Variants in KLHDC4 observed in about 807,000 individuals in gnomAD.
The protein encoded by KLHDC4 is kelch domain containing 4, also known as kelch domain-containing protein 4.
A neutral mutation model predicts 62.4 loss-of-function variants in KLHDC4; 90 were observed. The observed-to-expected ratio is 1.44, with a 90% CI of 1.22 to 1.72. KLHDC4 has a LOEUF of 1.72. Among genes scored for constraint, KLHDC4 ranks in the 40% most tolerant of loss-of-function variants. The probability of loss-of-function intolerance (pLI) is 0.00; values close to 1 mark genes in which losing one functional copy is unlikely to be tolerated. For missense variants in KLHDC4, 1,025 were observed against 699.7 expected, an observed-to-expected ratio of 1.47 and a Z score of -5.25; for synonymous variants, 386 against 284.4, an observed-to-expected ratio of 1.36 and a Z score of -3.59.
chr16:87,746,530 G>A (rs1389633857), intron 5 of KLHDC4, among the ~76,000 whole-genome samples: 1 of 152,186 alleles, frequency 6.6e-6, no homozygotes, highest in Non-Finnish European at 1.5e-5. Context: ...GTGACCTGCG[G>A]AACCACACCC....
intron 5 of KLHDC4, among the ~76,000 whole-genome samples, chr16:87,747,248 C>T (rs2143024561): frequency 6.6e-6 from 1 of 152,012 alleles, no homozygotes; most frequent in East Asian, 1.9e-4. Context: ...TAGCCGCATT[C>T]TATCACAGAG....
At chr16:87,733,750 TACTTAG>T (rs2040806285) in intron 5 of KLHDC4, among the ~76,000 whole-genome samples, 2 of 144,942 alleles carry the variant, frequency 1.4e-5, no homozygotes, top group Non-Finnish European at 3.0e-5. Flanking sequence ...CCTCTCCTCC[TACTTAG>T]GAATCCACTC....
rs2044912615 is a variant in KLHDC4, at chr16:87,756,409, T to C, written c.260A>G (p.Asn87Ser). ...AAATATATACTTTACTTTTTGGCCGTTGAAATATTCACCTCCAAAAAGGAT... is the reference window on the plus strand; with the variant it reads ...AAATATATACTTTACTTTTTGGCCGCTGAAATATTCACCTCCAAAAAGGAT... ...ELILFGGEYF[N>S]GQKTFLYNEL... is the part of the protein sequence containing the mutation. The change falls in exon 3 of 12, where the codon AAC (asparagine) becomes AGC (serine). Residue 87 changes from asparagine (N) to serine (S), a missense_variant. By Grantham distance (46) the Asn-to-Ser change is conservative. Coordinates refer to ENST00000270583, the MANE Select transcript of KLHDC4 (RefSeq NM_017566.4). 6.2e-7 allele frequency: 1 copy of C among 1,612,604 alleles called. No individual in the cohort carries two copies. The highest frequency in any genetic ancestry group is 8.5e-7 in the Non-Finnish European group (1 of 1,178,600).
chr16:87,762,456 A>G (rs1362852149), intron 1 of KLHDC4, among the ~76,000 whole-genome samples: 1 of 152,172 alleles, frequency 6.6e-6, no homozygotes, highest in South Asian at 2.1e-4. Context: ...ACTTCACTGC[A>G]GACACCCTCA....
chr16:87,761,967 C>T lies in KLHDC4; in HGVS notation c.173G>A (p.Cys58Tyr). 6.2e-7 allele frequency: 1 copy of T among 1,613,670 alleles called. No individual in the cohort carries two copies. Among genetic ancestry groups the T allele is most frequent in the Non-Finnish European group, 8.5e-7 (1 of 1,179,850 alleles). The stretch of plus-strand genomic sequence containing the variant: ...TGCTCACCTTGGTGAGGGTGGGGGG[C>T]ACGGAAGTTCCACAGTCTGAGTCCT... Reference protein sequence around the residue: ...AKRTQTVELPCPPPSPRLNAS... With the variant: ...AKRTQTVELPYPPPSPRLNAS... The change falls in exon 2 of 12, where the codon TGC (cysteine) becomes TAC (tyrosine). Residue 58 changes from cysteine (C) to tyrosine (Y), a missense_variant. Cys to Tyr is a radical substitution (Grantham distance 194). Coordinates refer to ENST00000270583, the MANE Select transcript of KLHDC4 (RefSeq NM_017566.4).
At chr16:87,732,022 G>A (rs1007729519) in intron 5 of KLHDC4, among the ~76,000 whole-genome samples, 4 of 152,126 alleles carry the variant, frequency 2.6e-5, no homozygotes, top group Non-Finnish European at 5.9e-5. Context: ...GCTGGGAGGG[G>A]ACCAACTACA....
chr16:87,755,008 G>A (rs766650102), intron 4 of KLHDC4, among the ~76,000 whole-genome samples, 186 bp downstream of exon 4: 2 of 152,128 alleles, frequency 1.3e-5, no homozygotes, highest in African/African-American at 2.4e-5. Flanking sequence ...GGGAGCAGGT[G>A]TTCTCCTCCC....
At chr16:87,731,260 TCA>T (rs2040320889) in intron 5 of KLHDC4, among the ~76,000 whole-genome samples, 1 of 151,734 alleles carries the variant, frequency 6.6e-6, no homozygotes. Context: ...AGATGGGGTT[TCA>T]CCATGTTGGC....
At chr16:87,729,661 C>G (rs1264887176) in intron 6 of KLHDC4, among the ~76,000 whole-genome samples, 1 of 152,256 alleles carries the variant, frequency 6.6e-6, no homozygotes, top group African/African-American at 2.4e-5. Context: ...GCCATGCCAG[C>G]TGCACGAACA....
intron 6 of KLHDC4, among the ~76,000 whole-genome samples, chr16:87,727,188 G>C (rs147257241): frequency 9.7e-6 from 1 of 103,214 alleles, no homozygotes; most frequent in Non-Finnish European, 2.1e-5. Flanking sequence ...ATTTTCACCT[G>C]TTTAATTCAA....
At chr16:87,730,477 C>G in intron 6 of KLHDC4, 75 bp downstream of exon 6, 1 of 1,242,844 alleles carries the variant, frequency 8.0e-7, no homozygotes, top group Admixed American at 2.3e-5. Context: ...CTTGTGTATT[C>G]AGAATGCTCT....
At chr16:87,752,392 G>A (rs1264860143) in intron 4 of KLHDC4, among the ~76,000 whole-genome samples, 1 of 147,762 alleles carries the variant, frequency 6.8e-6, no homozygotes, top group Non-Finnish European at 1.5e-5. Context: ...CTGGAGTGCA[G>A]TGGCGTGATC....
At chr16:87,752,917 T>C (rs1445983136) in intron 4 of KLHDC4, among the ~76,000 whole-genome samples, 1 of 152,080 alleles carries the variant, frequency 6.6e-6, no homozygotes, top group East Asian at 1.9e-4. Flanking sequence ...AGACGAAATC[T>C]AGGAAGCAAC....
chr16:87,727,861 G>A (rs1005035120), intron 6 of KLHDC4, among the ~76,000 whole-genome samples: 5 of 152,226 alleles, frequency 3.3e-5, no homozygotes, highest in East Asian at 1.9e-4. Context: ...GTCACAGGGC[G>A]TTTACCCAGC....
At chr16:87,749,787 G>C (rs182913762) in intron 4 of KLHDC4, among the ~76,000 whole-genome samples, 3 of 152,180 alleles carry the variant, frequency 2.0e-5, no homozygotes, top group Admixed American at 2.0e-4. Flanking sequence ...CGCTGTCCAG[G>C]CTGGTCTCAA....
At chr16:87,718,860 G>A (rs2037639889) in intron 7 of KLHDC4, among the ~76,000 whole-genome samples, 3 of 149,902 alleles carry the variant, frequency 2.0e-5, no homozygotes, top group East Asian at 4.0e-4. Flanking sequence ...TGTGAGGAGT[G>A]CCTCTGTCCG....
rs141605049 is a variant in KLHDC4 at position 87,713,489 on chromosome 16, C to T, written c.835+1009G>A. ...CTGGGATTATAGGTATGAGCCACTG[C>T]GCCCAGCCAGTAACAAATGCAATTT... On this transcript the variant is annotated intron_variant, in intron 8 of 11. Transcript: ENST00000270583. Among the ~76,000 whole-genome samples the T allele has an allele frequency of 5.6e-4, 86 of 152,262 alleles. 1 individual carries two copies. The highest frequency in any genetic ancestry group is 2.0e-3 in the African/African-American group (82 of 41,552).
intron 4 of KLHDC4, among the ~76,000 whole-genome samples, chr16:87,753,279 C>G (rs1267224859): frequency 1.3e-5 from 2 of 152,222 alleles, no homozygotes; most frequent in Non-Finnish European, 2.9e-5. Flanking sequence ...AAAGCATCTT[C>G]TGATGCTGAG....
chr16:87,761,740 G>C (rs1381224733), intron 2 of KLHDC4, among the ~76,000 whole-genome samples: 1 of 152,214 alleles, frequency 6.6e-6, no homozygotes, highest in Non-Finnish European at 1.5e-5. Flanking sequence ...AGAGGCAGCA[G>C]CTGTGCTGTA....
Sources: allele counts gnomAD v4.1 joint callset (sites outside exome capture counted in the v4.1 genomes callset), GRCh38; gene constraint gnomAD v4.1.1; transcripts MANE v1.5; gene names NCBI Gene and HGNC (gene_info 2026-07-23, HGNC 2026-07-21).